Variants in TRPA1 observed in about 807,000 individuals in gnomAD.
The protein encoded by TRPA1 is transient receptor potential cation channel subfamily A member 1.
TRPA1 carries 129 observed loss-of-function variants against 131.3 expected under a neutral mutation model. That is an observed-to-expected ratio of 0.98 (90% confidence interval 0.85 to 1.14). The LOEUF (loss-of-function observed/expected upper bound fraction) is 1.14. Ranked by LOEUF, TRPA1 falls within the 50% of genes most tolerant of loss-of-function variation. TRPA1 has a pLI of 0.00. For synonymous variants in TRPA1, 441 were observed against 451.7 expected, an observed-to-expected ratio of 0.98 and a Z score of 0.30; for missense variants, 1,304 against 1,354.2, an observed-to-expected ratio of 0.96 and a Z score of 0.58.
rs748264976 is a variant in TRPA1, at chr8:72,022,898, C to T, written c.*8G>A. The T allele has an allele frequency of 6.2e-7, 1 of 1,612,556 alleles. No homozygotes were observed. Among genetic ancestry groups the T allele is most frequent in the East Asian group, 2.2e-5 (1 of 44,858 alleles). ...CCCCATTAGAAGCCTCACTGAAGGT[C>T]TGAGGAGCTAAGGCTCAAGATGGTG... On this transcript the variant is annotated 3_prime_UTR_variant, in exon 27 of 27. Transcript: ENST00000262209.
At chr8:72,025,926 G>T in intron 25 of TRPA1, 34 bp downstream of exon 25, 1 of 1,550,894 alleles carries the variant, frequency 6.4e-7, no homozygotes, top group Non-Finnish European at 8.9e-7. Context: ...ACAGTGTCAT[G>T]TTACTGATGT....
chr8:72,027,391 G>C (rs13279503), intron 24 of TRPA1, among the ~76,000 whole-genome samples: 46,280 of 152,016 alleles, frequency 0.3, 7,523 homozygotes, highest in Middle Eastern at 0.54. Context: ...TCCTCTAACT[G>C]GTGGGGTTTC....
At chr8:72,083,369 TATAAC>T in the TRPA1 span, among the ~76,000 whole-genome samples, 3 of 152,166 alleles carry the variant, frequency 2.0e-5, no homozygotes, top group African/African-American at 4.8e-5. Flanking sequence ...TTGCTTGTCT[TATAAC>T]ATTTTGGCTT....
chr8:72,075,402 C>T lies in TRPA1; in HGVS notation c.8G>A (p.Arg3His). The change falls in exon 1 of 27, where the codon CGC (arginine) becomes CAC (histidine). Residue 3 changes from arginine to histidine, a missense_variant. By Grantham distance (29) the Arg-to-His change is conservative (BLOSUM62 0). Coordinates refer to ENST00000262209, the MANE Select transcript of TRPA1 (RefSeq NM_007332.3). MK[R>H]SLRKMWRPGE... ...AGGGCGCCACATCTTCCTCAGGCTG[C>T]GCTTCATTGACCCCACCCCGGACGC... is the stretch of plus-strand genomic sequence containing the variant. The T allele has an allele frequency of 6.2e-7, 1 of 1,608,018 alleles. No individual in the cohort carries two copies.
chr8:72,079,020 A>T (rs1479522129), upstream of TRPA1, among the ~76,000 whole-genome samples: 1 of 151,996 alleles, frequency 6.6e-6, no homozygotes, highest in Non-Finnish European at 1.5e-5. Context: ...CCATATTAGC[A>T]TGTCTTATTA....
intron 13 of TRPA1, chr8:72,053,054 A>AAGGCATTT (rs1563395936): frequency 2.7e-6 from 1 of 364,500 alleles, no homozygotes; most frequent in Non-Finnish European, 5.2e-6. Flanking sequence ...AATGAATTCC[A>AAGGCATTT]AGGCATTTGT....
chr8:72,083,923 T>G, the TRPA1 span, among the ~76,000 whole-genome samples: 1 of 152,170 alleles, frequency 6.6e-6, no homozygotes, highest in African/African-American at 2.4e-5. Context: ...GAATGTGTAT[T>G]TATTAAGTAA....
rs545758510 is a variant in TRPA1, at chr8:72,050,948, T to C, written c.1812-77A>G. The C allele has an allele frequency of 2.0e-4, 213 of 1,087,094 alleles. 1 individual carries two copies. Among genetic ancestry groups the C allele is most frequent in the South Asian group, 2.3e-4 (18 of 78,658 alleles). The allele number at this position is 1,087,094 out of a possible 1,614,324, so 67.3% of individuals were successfully genotyped here. On this transcript the variant is annotated intron_variant, in intron 14 of 26. Coordinates refer to ENST00000262209, the MANE Select transcript of TRPA1 (RefSeq NM_007332.3). ...GTACAACAGCTGAAACTCAAGATTA[T>C]TTCTTTAGGGGAAACCTAAACTTAA...
the TRPA1 span, among the ~76,000 whole-genome samples, chr8:72,084,415 T>C: frequency 7.2e-6 from 1 of 139,714 alleles, no homozygotes; most frequent in South Asian, 2.1e-4. Flanking sequence ...ATTTGTAAGA[T>C]TTTTTTTATT....
chr8:72,027,474 C>G (rs1170234044), intron 24 of TRPA1, among the ~76,000 whole-genome samples: 2 of 152,140 alleles, frequency 1.3e-5, no homozygotes, highest in African/African-American at 2.4e-5. Context: ...TGTTTATGGA[C>G]TGTCTGCAGC....
In TRPA1 at chr8:72,039,023, C is replaced by T; in HGVS notation, c.2137G>A (p.Ala713Thr). The change falls in exon 19 of 27, where the codon GCT becomes ACT. Residue 713 changes from alanine (A) to threonine (T), a missense_variant. Coordinates refer to ENST00000262209, the MANE Select transcript of TRPA1 (RefSeq NM_007332.3). ...CKEYLLMKWL[A>T]YGFRAHMMNL... ...ATCATATGAGCTCTAAATCCATAAG[C>T]CAACCTACAAAAATATAAGCAAACC... 1.2e-6 allele frequency: 2 copies of T among 1,611,998 alleles called. No homozygotes were observed. Among genetic ancestry groups the T allele is most frequent in the Non-Finnish European group, 1.7e-6 (2 of 1,179,010 alleles).
intron 8 of TRPA1, among the ~76,000 whole-genome samples, chr8:72,059,011 C>A (rs182162968): frequency 6.6e-6 from 1 of 152,180 alleles, no homozygotes; most frequent in Admixed American, 6.5e-5. Context: ...AGTTTCCCCC[C>A]GTGCTGCCTG....
intron 10 of TRPA1, chr8:72,056,061 AT>A: frequency 1.6e-6 from 1 of 607,834 alleles, no homozygotes; most frequent in East Asian, 2.8e-5. Context: ...ACATTACCAT[AT>A]TAGTGTACAT....
chr8:72,070,796 A>G (rs1015865013), intron 2 of TRPA1, among the ~76,000 whole-genome samples: 4 of 152,094 alleles, frequency 2.6e-5, no homozygotes, highest in African/African-American at 9.7e-5. Flanking sequence ...TTCCTGTGCA[A>G]TCACGCTCCT....
intron 3 of TRPA1, among the ~76,000 whole-genome samples, chr8:72,066,667 A>C (rs867193997): frequency 3.9e-5 from 6 of 152,250 alleles, no homozygotes; most frequent in African/African-American, 1.4e-4. Context: ...GATTCCTTCC[A>C]TGGACTTTAG....
chr8:72,084,876 T>C, the TRPA1 span, among the ~76,000 whole-genome samples: 1 of 151,986 alleles, frequency 6.6e-6, no homozygotes, highest in Admixed American at 6.6e-5. Context: ...GGTCTCGAAC[T>C]CCCAACCTCG....
At chr8:72,083,007 GATTA>G in the TRPA1 span, among the ~76,000 whole-genome samples, 1 of 151,566 alleles carries the variant, frequency 6.6e-6, no homozygotes. Context: ...CTCTGCTTTA[GATTA>G]ATTTTTATTT....
upstream of TRPA1, chr8:72,076,477 T>G (rs1806188553): frequency 6.6e-6 from 1 of 152,308 alleles, no homozygotes; most frequent in Admixed American, 6.5e-5. Flanking sequence ...GATTATACCT[T>G]GCACAGGACA....
rs2129437091 is a variant in TRPA1, at chr8:72,075,487, C to CT, written c.-79dup. ...CCTGGGGCGAGAGAGCGCTGTCAGC[C>CT]TGCCAGGCGCTGGGGTCCGCGCGAG... On this transcript the variant is annotated 5_prime_UTR_variant, in exon 1 of 27. Transcript: ENST00000262209. The CT allele has an allele frequency of 8.2e-7, 1 of 1,216,226 alleles. No homozygotes were observed. The highest frequency in any genetic ancestry group is 2.3e-5 in the East Asian group (1 of 43,154). The allele number at this position is 1,216,226 out of a possible 1,614,324, so 75.3% of individuals were successfully genotyped here.
Sources: allele counts gnomAD v4.1 joint callset (sites outside exome capture counted in the v4.1 genomes callset), GRCh38; gene constraint gnomAD v4.1.1; transcripts MANE v1.5; gene names NCBI Gene and HGNC (gene_info 2026-07-23, HGNC 2026-07-21).